HCN1: variants seen among roughly 807,000 people sequenced by gnomAD.
The protein encoded by HCN1 is hyperpolarization activated cyclic nucleotide gated potassium channel 1, also known as potassium/sodium hyperpolarization-activated cyclic nucleotide-gated channel 1.
Under a neutral mutation model 78.9 loss-of-function variants are expected in HCN1, and 13 were observed. The ratio of observed to expected loss-of-function variants is 0.16; its 90% CI spans 0.11 to 0.26. HCN1 has a LOEUF of 0.26. Ranked by LOEUF, HCN1 falls within the 10% of genes least tolerant of loss-of-function variation. HCN1 has a pLI of 1.00. For missense variants in HCN1, 810 were observed against 1,154.3 expected (o/e 0.70, Z 4.32); for synonymous variants, 552 against 455.5 (o/e 1.21, Z -2.70).
intron 5 of HCN1, among the ~76,000 whole-genome samples, chr5:45,312,576 C>A (rs1468043458): frequency 6.6e-6 from 1 of 152,216 alleles, no homozygotes; most frequent in African/African-American, 2.4e-5. Flanking sequence ...GGCATAGCCT[C>A]ACCCGGCAAG....
At chr5:45,584,351 C>T (rs1280790520) in intron 2 of HCN1, among the ~76,000 whole-genome samples, 2 of 152,014 alleles carry the variant, frequency 1.3e-5, no homozygotes, top group Admixed American at 6.6e-5. Flanking sequence ...AGGATTGCAA[C>T]CCCTGCCTTT....
intron 2 of HCN1, among the ~76,000 whole-genome samples, chr5:45,531,488 G>A (rs948717591): frequency 2.0e-5 from 3 of 152,074 alleles, no homozygotes; most frequent in African/African-American, 4.8e-5. Flanking sequence ...TACTAGTCCC[G>A]TGTTTTTAAA....
intron 1 of HCN1, among the ~76,000 whole-genome samples, chr5:45,656,276 C>A (rs999061738): frequency 3.3e-5 from 5 of 152,168 alleles, no homozygotes; most frequent in Non-Finnish European, 5.9e-5. Context: ...CAAATATGTG[C>A]TGCTTCCTGG....
chr5:45,553,797 C>T (rs1341747779), intron 2 of HCN1, among the ~76,000 whole-genome samples: 4 of 151,686 alleles, frequency 2.6e-5, no homozygotes, highest in African/African-American at 9.7e-5. Context: ...GTTTTTTAAT[C>T]CTTTCATGCT....
chr5:45,502,264 T>C (rs1579935061), intron 2 of HCN1, among the ~76,000 whole-genome samples: 1 of 151,154 alleles, frequency 6.6e-6, no homozygotes, highest in South Asian at 2.1e-4. Flanking sequence ...GGTCAGGAGT[T>C]CCAGACCAGC....
intron 2 of HCN1, among the ~76,000 whole-genome samples, chr5:45,585,855 C>G (rs1303579002): frequency 6.6e-6 from 1 of 152,178 alleles, no homozygotes; most frequent in East Asian, 1.9e-4. Flanking sequence ...TGGTGAACAG[C>G]AAATGTTGCT....
chr5:45,340,478 T>C (rs1350185340), intron 5 of HCN1, among the ~76,000 whole-genome samples: 1 of 152,174 alleles, frequency 6.6e-6, no homozygotes, highest in Non-Finnish European at 1.5e-5. Context: ...TGATTTGATA[T>C]TTATTCCTGA....
intron 6 of HCN1, among the ~76,000 whole-genome samples, chr5:45,270,031 C>A (rs1744930345): frequency 6.6e-6 from 1 of 152,194 alleles, no homozygotes; most frequent in African/African-American, 2.4e-5. Flanking sequence ...TATTACAAAA[C>A]AAAATTTGGG....
intron 5 of HCN1, among the ~76,000 whole-genome samples, chr5:45,348,322 A>AT (rs1412431521): frequency 2.6e-5 from 4 of 151,540 alleles, no homozygotes; most frequent in Non-Finnish European, 5.9e-5. Context: ...ATGCTGAGAG[A>AT]TTTTGTCACC....
At chr5:45,669,663 T>C (rs1487420784) in intron 1 of HCN1, among the ~76,000 whole-genome samples, 6 of 151,780 alleles carry the variant, frequency 4.0e-5, no homozygotes, top group Admixed American at 3.3e-4. Context: ...ATGAGACTGA[T>C]TTGAAAATTT....
chr5:45,471,531 C>T (rs1333733059), intron 2 of HCN1, among the ~76,000 whole-genome samples: 1 of 151,870 alleles, frequency 6.6e-6, no homozygotes, highest in Non-Finnish European at 1.5e-5. Flanking sequence ...GAGTTCCTTG[C>T]ATTTGTTTCC....
At chr5:45,434,422 A>G (rs191266685) in intron 3 of HCN1, among the ~76,000 whole-genome samples, 3 of 152,342 alleles carry the variant, frequency 2.0e-5, no homozygotes, top group Admixed American at 6.5e-5. Flanking sequence ...GACTATTTGC[A>G]TGTTAGACAA....
chr5:45,552,415 C>A (rs1743386588), intron 2 of HCN1, among the ~76,000 whole-genome samples: 1 of 151,888 alleles, frequency 6.6e-6, no homozygotes, highest in Admixed American at 6.6e-5. Flanking sequence ...TTTTCCTTTG[C>A]AGTGCAGCAA....
chr5:45,530,412 T>TATA (rs1554031207), intron 2 of HCN1, among the ~76,000 whole-genome samples: 2,856 of 148,704 alleles, frequency 0.019, 90 homozygotes, highest in African/African-American at 0.066. Flanking sequence ...GATTGTGTTT[T>TATA]TATATATATA....
chr5:45,294,740 T>C (rs1254924568), intron 6 of HCN1, among the ~76,000 whole-genome samples: 1 of 152,012 alleles, frequency 6.6e-6, no homozygotes, highest in Non-Finnish European at 1.5e-5. Context: ...ATAAAACATA[T>C]GAATAGATTA....
chr5:45,288,461 G>A (rs1468528325), intron 6 of HCN1, among the ~76,000 whole-genome samples: 1 of 151,830 alleles, frequency 6.6e-6, no homozygotes, highest in Non-Finnish European at 1.5e-5. Flanking sequence ...GGTCTGAAAG[G>A]GGCTGTAGAA....
chr5:45,349,627 C>G (rs188532708), intron 5 of HCN1, among the ~76,000 whole-genome samples: 5 of 152,014 alleles, frequency 3.3e-5, no homozygotes, highest in East Asian at 1.9e-4. Context: ...AGACCGCTAG[C>G]AAGACGAATA....
intron 2 of HCN1, among the ~76,000 whole-genome samples, chr5:45,587,450 C>CA (rs776168489): frequency 6.7e-6 from 1 of 149,558 alleles, no homozygotes; most frequent in Non-Finnish European, 1.5e-5. Flanking sequence ...ATCGCAAGGA[C>CA]AAAAAACCAA....
chr5:45,375,366 T>C (rs373188727), intron 4 of HCN1, among the ~76,000 whole-genome samples: 26 of 110,364 alleles, frequency 2.4e-4, no homozygotes, highest in African/African-American at 4.9e-4. Flanking sequence ...TTTTATGATA[T>C]ACAATATATA....
Sources: gnomAD v4.1 joint callset for allele counts (sites outside exome capture counted in the v4.1 genomes callset) on GRCh38, gnomAD v4.1.1 for gene constraint, MANE v1.5 for transcripts, NCBI Gene and HGNC (gene_info 2026-07-23, HGNC 2026-07-21) for gene names.